Variants in OR1L6 observed in about 807,000 individuals in gnomAD.
OR1L6 encodes the protein olfactory receptor family 1 subfamily L member 6.
A neutral mutation model predicts 3.0 loss-of-function variants in OR1L6; 2 were observed. The observed-to-expected ratio is 0.68, with a 90% CI of 0.28 to 2.13. The LOEUF (loss-of-function observed/expected upper bound fraction) is 2.13. Ranked by LOEUF, OR1L6 falls within the 30% of genes most tolerant of loss-of-function variation. The pLI, the probability that OR1L6 is intolerant of heterozygous loss-of-function variation, is 0.14. For synonymous variants in OR1L6, 121 were observed against 148.4 expected (o/e 0.82, Z 1.34); for missense variants, 304 against 378.4 (o/e 0.80, Z 1.63).
chr9:122,750,083 T>G lies in OR1L6; in HGVS notation c.236T>G (p.Val79Gly), dbSNP rs891764722. ...FMDICFTTVI[V>G]PKMLVNFLSE... ...GATATCTGCTTCACAACAGTCATAG[T>G]GCCTAAGATGCTGGTGAATTTTCTA... is the stretch of plus-strand genomic sequence containing the variant. Residue 79 changes from valine to glycine, a missense_variant, in exon 2 of 2, where the codon GTG becomes GGG. By Grantham distance (109) the Val-to-Gly change is moderately radical. Around this residue, in one of 3 missense-constraint regions of OR1L6, gnomAD observed 192 missense variants for 242.7 expected, o/e 0.79. Coordinates refer to ENST00000304720, the MANE Select transcript of OR1L6 (RefSeq NM_001004453.3). 1.9e-5 allele frequency: 31 copies of G among 1,614,042 alleles called. No individual in the cohort carries two copies. The highest frequency in any genetic ancestry group is 2.5e-5 in the Non-Finnish European group (30 of 1,180,030).
At chr9:122,745,475 T>C (rs1828827980) in intron 1 of OR1L6, among the ~76,000 whole-genome samples, 1 of 130,326 alleles carries the variant, frequency 7.7e-6, no homozygotes. Context: ...TGCAGTGGCG[T>C]GATCTCGGCT....
intron 1 of OR1L6, among the ~76,000 whole-genome samples, chr9:122,748,963 G>C (rs529789116): frequency 6.6e-6 from 1 of 151,962 alleles, no homozygotes; most frequent in East Asian, 1.9e-4. Context: ...ACACGTATAC[G>C]TACACACACC....
intron 1 of OR1L6, among the ~76,000 whole-genome samples, chr9:122,744,257 G>A (rs1828813981): frequency 6.6e-6 from 1 of 152,128 alleles, no homozygotes; most frequent in African/African-American, 2.4e-5. Context: ...TTTCCACCAG[G>A]ATACTGCCCA....
At chr9:122,747,153 G>C (rs1049703766) in intron 1 of OR1L6, among the ~76,000 whole-genome samples, 1 of 151,998 alleles carries the variant, frequency 6.6e-6, no homozygotes, top group East Asian at 1.9e-4. Context: ...AACCAATTGT[G>C]ACAAATATCA....
At position 122,750,755 on chromosome 9, in the gene OR1L6, A is replaced by C. The variant is rs138570823; in HGVS notation, c.908A>C (p.Lys303Thr). The part of the protein sequence containing the change: ...LRNKDMKRGL[K>T]KLQDRIYR ...AACAAAGATATGAAGAGGGGTTTGA[A>C]GAAATTACAGGACAGAATTTACCGG... Residue 303 changes from lysine (K) to threonine (T), a missense_variant, in exon 2 of 2, where the codon AAG (lysine) becomes ACG (threonine). By Grantham distance (78) the Lys-to-Thr change is moderately conservative (BLOSUM62 -1). Coordinates refer to ENST00000304720, the MANE Select transcript of OR1L6 (RefSeq NM_001004453.3). The C allele has an allele frequency of 1.2e-6, 2 of 1,610,036 alleles. No homozygotes were observed. The highest frequency in any genetic ancestry group is 8.5e-7 in the Non-Finnish European group (1 of 1,178,808).
chr9:122,750,213 C>T lies in OR1L6; in HGVS notation c.366C>T (p.Asp122=). ...DSYLLASMAI[D]RLVAICNPLH... ...ACCTGCTGGCCTCTATGGCCATCGA[C>T]CGGCTGGTGGCCATCTGCAACCCCT... Residue 122 remains aspartate (D), a synonymous_variant, in exon 2 of 2, where the codon GAC becomes GAT. Transcript: ENST00000304720. 1.2e-6 allele frequency: 2 copies of T among 1,614,070 alleles called. No homozygotes were observed. Among genetic ancestry groups the T allele is most frequent in the Non-Finnish European group, 1.7e-6 (2 of 1,179,980 alleles).
chr9:122,742,701 T>G (rs149779833), intron 1 of OR1L6, among the ~76,000 whole-genome samples: 10 of 152,286 alleles, frequency 6.6e-5, no homozygotes, highest in African/African-American at 2.4e-4. Context: ...GAGCACACAC[T>G]CTGGGAATGT....
At chr9:122,745,615 T>G (rs945488811) in intron 1 of OR1L6, among the ~76,000 whole-genome samples, 22 of 151,876 alleles carry the variant, frequency 1.4e-4, no homozygotes, top group Admixed American at 9.2e-4. Context: ...GGTTTCACCG[T>G]GTTAGCCAGG....
At chr9:122,742,858 A>G (rs1828803735) in intron 1 of OR1L6, among the ~76,000 whole-genome samples, 1 of 152,232 alleles carries the variant, frequency 6.6e-6, no homozygotes, top group African/African-American at 2.4e-5. Context: ...AATAACAGAA[A>G]GGCAAACTTC....
In OR1L6 at chr9:122,750,768, C is replaced by A. The variant is rs777896938; in HGVS notation, c.921C>A (p.Asp307Glu). Residue 307 changes from aspartate (D) to glutamate (E), a missense_variant, in exon 2 of 2, where the codon GAC becomes GAA. Asp to Glu is a conservative substitution (Grantham distance 45). Coordinates refer to ENST00000304720, the MANE Select transcript of OR1L6 (RefSeq NM_001004453.3). ...DMKRGLKKLQ[D>E]RIYR is the part of the protein sequence containing the mutation. ...AGAGGGGTTTGAAGAAATTACAGGA[C>A]AGAATTTACCGGTAAAAGGAACAAA... 1.9e-6 allele frequency: 3 copies of A among 1,602,198 alleles called. No individual in the cohort carries two copies. In the African/African-American group the frequency reaches 4.0e-5, roughly 22 times the overall value.
At chr9:122,749,344 C>T (rs1163711312) in intron 1 of OR1L6, among the ~76,000 whole-genome samples, 1 of 152,138 alleles carries the variant, frequency 6.6e-6, no homozygotes, top group East Asian at 1.9e-4. Flanking sequence ...TTGCTTTGGG[C>T]AGTATGGTCA....
At position 122,750,237 on chromosome 9, in the gene OR1L6, C is replaced by T. The variant is rs1206741495; in HGVS notation, c.390C>T (p.Pro130=). The change falls in exon 2 of 2, where the codon CCC becomes CCT. Residue 130 remains proline, a synonymous_variant. Transcript: ENST00000304720. Reference sequence around the variant, plus strand: ...ACCGGCTGGTGGCCATCTGCAACCCCTTACACTATGATGTGGTTATGAAAC... The same window carrying T: ...ACCGGCTGGTGGCCATCTGCAACCCTTTACACTATGATGTGGTTATGAAAC... ...AIDRLVAICN[P]LHYDVVMKPR... is the part of the protein sequence containing the mutation. 6.2e-7 allele frequency: 1 copy of T among 1,614,004 alleles called. No individual in the cohort carries two copies. Among genetic ancestry groups the T allele is most frequent in the Non-Finnish European group, 8.5e-7 (1 of 1,180,032 alleles).
At chr9:122,746,191 G>A (rs1828835226) in intron 1 of OR1L6, among the ~76,000 whole-genome samples, 1 of 152,176 alleles carries the variant, frequency 6.6e-6, no homozygotes, top group East Asian at 1.9e-4. Context: ...CTATCAGACT[G>A]CCTGAATTCA....
At chr9:122,749,486 T>C (rs1192806221) in intron 1 of OR1L6, among the ~76,000 whole-genome samples, 3 of 152,202 alleles carry the variant, frequency 2.0e-5, no homozygotes, top group Non-Finnish European at 4.4e-5. Flanking sequence ...TGTTTCTCCA[T>C]GGTTTCTTAA....
chr9:122,742,541 T>A lies in OR1L6; in HGVS notation c.-14+168T>A, dbSNP rs139678323. On this transcript the variant is annotated intron_variant, in intron 1 of 1. Coordinates refer to ENST00000304720, the MANE Select transcript of OR1L6 (RefSeq NM_001004453.3). ...TCTCTTTTTGGTCAAATATCAAATA[T>A]TTGAAATATCTACTTTGTTCAAGAC... is the stretch of plus-strand genomic sequence containing the variant. Among the ~76,000 whole-genome samples the A allele has an allele frequency of 2.0e-5, 3 of 152,188 alleles. No individual in the cohort carries two copies. In the East Asian group the frequency reaches 5.8e-4, roughly 29 times the overall value.
At position 122,749,950 on chromosome 9, in the gene OR1L6, A is replaced by G; in HGVS notation, c.103A>G (p.Met35Val). 1 of 1,614,064 alleles carries G rather than the reference A, an allele frequency of 6.2e-7. No individual in the cohort carries two copies. The highest frequency in any genetic ancestry group is 8.5e-7 in the Non-Finnish European group (1 of 1,180,032). ...ACCTCTCTTTGCCATCTTCCTCATC[A>G]TGTACCTGCTCGCTGCGGTGGGGAA... ...QKPLFAIFLI[M>V]YLLAAVGNVL... Residue 35 changes from methionine (M) to valine (V), a missense_variant, in exon 2 of 2, where the codon ATG (methionine) becomes GTG (valine). This residue lies in a region of OR1L6 where 192 missense variants were observed against 242.7 expected (regional missense o/e 0.79). Coordinates refer to ENST00000304720, the MANE Select transcript of OR1L6 (RefSeq NM_001004453.3).
rs117226379 is a variant in OR1L6 at position 122,742,408 on chromosome 9, G to A, written c.-14+35G>A. 1,382 of 152,302 alleles carry A rather than the reference G, an allele frequency of 9.1e-3. 14 individuals carry two copies. Among genetic ancestry groups the A allele is most frequent in the Non-Finnish European group, 0.014 (926 of 68,030 alleles). 9.4% of individuals were successfully genotyped at this position (152,302 alleles called of 1,614,324 possible). A position where few individuals can be genotyped will look rare whatever the true frequency, so the allele number is the denominator to read the frequency against. ...CTGAGGGGACTTGATAATGGGAACTGTGGAGTCAATATCTTCAGGTGATCT... is the reference window on the plus strand; with the variant it reads ...CTGAGGGGACTTGATAATGGGAACTATGGAGTCAATATCTTCAGGTGATCT... On this transcript the variant is annotated intron_variant, in intron 1 of 1. Transcript: ENST00000304720.
At chr9:122,744,293 A>G (rs563037495) in intron 1 of OR1L6, among the ~76,000 whole-genome samples, 1 of 151,260 alleles carries the variant, frequency 6.6e-6, no homozygotes, top group Admixed American at 6.6e-5. Flanking sequence ...TGGGAAGTGC[A>G]TTGTGTGCTG....
In OR1L6 at chr9:122,742,978, G is replaced by A. The variant is rs535253212; in HGVS notation, c.-14+605G>A. Among the ~76,000 whole-genome samples the A allele has an allele frequency of 2.6e-5, 4 of 152,238 alleles. No homozygotes were observed. The East Asian group carries it at 5.8e-4, about 22-fold the overall frequency. On this transcript the variant is annotated intron_variant, in intron 1 of 1. Coordinates refer to ENST00000304720, the MANE Select transcript of OR1L6 (RefSeq NM_001004453.3). ...CTAGAATCACGGAAATTGAACAGTC[G>A]CTTTCCTAGGATGCTAAAATGATGA...
Sources: gnomAD v4.1 joint callset for allele counts (sites outside exome capture counted in the v4.1 genomes callset) on GRCh38, gnomAD v4.1.1 for gene constraint, gnomAD v4.1.1 regional missense constraint, MANE v1.5 for transcripts, NCBI Gene and HGNC (gene_info 2026-07-23, HGNC 2026-07-21) for gene names.